COL11A1: variants seen among roughly 807,000 people sequenced by gnomAD.
The protein encoded by COL11A1 is collagen alpha-1(XI) chain.
A neutral mutation model predicts 265.2 loss-of-function variants in COL11A1; 74 were observed. The ratio of observed to expected loss-of-function variants is 0.28; its 90% CI spans 0.23 to 0.34. The LOEUF is 0.34. COL11A1 is among the 10% of genes least tolerant of loss of function. The probability of loss-of-function intolerance (pLI) is 1.00; values close to 1 mark genes in which losing one functional copy is unlikely to be tolerated. For missense variants in COL11A1, 2,165 were observed against 2,263.6 expected, an observed-to-expected ratio of 0.96 and a Z score of 0.88; for synonymous variants, 816 against 727.6, an observed-to-expected ratio of 1.12 and a Z score of -1.96.
At chr1:103,106,667 A>T (rs1674715844) in intron 1 of COL11A1, among the ~76,000 whole-genome samples, 1 of 152,142 alleles carries the variant, frequency 6.6e-6, no homozygotes, top group East Asian at 1.9e-4. Flanking sequence ...CAACATAATA[A>T]CTCCTTTCAA....
intron 20 of COL11A1, 104 bp downstream of exon 20, chr1:103,004,340 C>A: frequency 1.2e-6 from 1 of 842,704 alleles, no homozygotes; most frequent in Admixed American, 2.1e-5. Flanking sequence ...TTAGCTAAGA[C>A]TGCAATGTTT....
At chr1:102,997,647 G>A (rs1295578025) in intron 25 of COL11A1, among the ~76,000 whole-genome samples, 1 of 151,644 alleles carries the variant, frequency 6.6e-6, no homozygotes, top group Non-Finnish European at 1.5e-5. Flanking sequence ...AACAAGGAAA[G>A]GTAGGATGAG....
At chr1:103,017,963 A>C in intron 10 of COL11A1, 81 bp from the exon 11 acceptor site, 1 of 1,102,802 alleles carries the variant, frequency 9.1e-7, no homozygotes, top group Non-Finnish European at 1.4e-6. Context: ...CCTATCGAAG[A>C]GTTCGTTTAT....
intron 1 of COL11A1, among the ~76,000 whole-genome samples, chr1:103,097,467 A>C (rs1001091073): frequency 2.6e-5 from 4 of 151,232 alleles, no homozygotes; most frequent in African/African-American, 9.8e-5. Context: ...TTCTCAGGGA[A>C]GTTTTCTTCG....
chr1:103,094,355 T>C (rs939710686), intron 1 of COL11A1, among the ~76,000 whole-genome samples: 1 of 152,272 alleles, frequency 6.6e-6, no homozygotes, highest in East Asian at 1.9e-4. Flanking sequence ...TATTCAAGAC[T>C]GCTTTTGCCT....
intron 41 of COL11A1, among the ~76,000 whole-genome samples, chr1:102,953,180 C>T (rs74717597): frequency 0.058 from 8,816 of 152,236 alleles, 348 homozygotes; most frequent in South Asian, 0.16. Flanking sequence ...TATATCTAAA[C>T]TGAATGATTG....
intron 4 of COL11A1, among the ~76,000 whole-genome samples, chr1:103,057,149 A>C (rs2102173693): frequency 6.6e-6 from 1 of 152,330 alleles, no homozygotes; most frequent in East Asian, 1.9e-4. Context: ...GAGTATTTTC[A>C]AACTCTGTTG....
chr1:102,990,294 C>T (rs1664007107), intron 28 of COL11A1, among the ~76,000 whole-genome samples: 1 of 151,590 alleles, frequency 6.6e-6, no homozygotes, highest in African/African-American at 2.4e-5. Flanking sequence ...AAATGATTTT[C>T]CCTTAATTTA....
chr1:103,096,984 C>T (rs1257913314), intron 1 of COL11A1, among the ~76,000 whole-genome samples: 1 of 151,964 alleles, frequency 6.6e-6, no homozygotes, highest in Non-Finnish European at 1.5e-5. Flanking sequence ...GACTACATGA[C>T]CATAGCTCCA....
At chr1:103,028,021 T>G (rs1420759391) in intron 5 of COL11A1, among the ~76,000 whole-genome samples, 2 of 151,364 alleles carry the variant, frequency 1.3e-5, no homozygotes, top group Admixed American at 6.6e-5. Context: ...TGTTTGTTTG[T>G]TTTTTGTTTT....
intron 8 of COL11A1, among the ~76,000 whole-genome samples, chr1:103,022,013 A>ATTTTTTTT: frequency 7.2e-6 from 1 of 139,594 alleles, no homozygotes; most frequent in African/African-American, 2.6e-5. Flanking sequence ...CACCTAGCTA[A>ATTTTTTTT]TTTTTTTTTT....
intron 54 of COL11A1, among the ~76,000 whole-genome samples, chr1:102,905,132 C>T (rs529881096): frequency 1.4e-5 from 2 of 148,056 alleles, no homozygotes; most frequent in South Asian, 2.2e-4. Context: ...GACAAAAAAC[C>T]AAACACCGCA....
At chr1:102,914,479 G>T in intron 51 of COL11A1, 74 bp from the exon 52 acceptor site, 1 of 1,391,784 alleles carries the variant, frequency 7.2e-7, no homozygotes, top group Non-Finnish European at 9.9e-7. Flanking sequence ...TTCTGGAGGT[G>T]AAGAGGTTAA....
In COL11A1 at chr1:102,914,749, T is replaced by C; in HGVS notation, c.3879A>G (p.Pro1293=). Residue 1293 remains proline (P), a synonymous_variant, in exon 51 of 67, where the codon CCA becomes CCG. Transcript: ENST00000370096. ...EAGPPGAAGP[P]GAKGPPGDDG... ...CATCACCTGGTGGCCCCTTGGCACC[T>C]GGAGGTCCAGCAGCTCCAGGTGGAC... is the stretch of plus-strand genomic sequence containing the variant. 6.2e-7 allele frequency: 1 copy of C among 1,613,266 alleles called. No homozygotes were observed. The highest frequency in any genetic ancestry group is 8.5e-7 in the Non-Finnish European group (1 of 1,179,894).
chr1:103,006,704 AT>A (rs1665659340), intron 15 of COL11A1, among the ~76,000 whole-genome samples: 3 of 151,378 alleles, frequency 2.0e-5, no homozygotes, highest in Non-Finnish European at 4.4e-5. Flanking sequence ...TGCCCGGCTA[AT>A]TTTTTGTATT....
At chr1:102,961,157 G>T (rs1660868207) in intron 41 of COL11A1, among the ~76,000 whole-genome samples, 1 of 152,114 alleles carries the variant, frequency 6.6e-6, no homozygotes, top group African/African-American at 2.4e-5. Context: ...TGGCAGTTTG[G>T]CTGTTATAGT....
At chr1:102,892,170 A>G (rs1311660644) in intron 57 of COL11A1, among the ~76,000 whole-genome samples, 3 of 152,308 alleles carry the variant, frequency 2.0e-5, no homozygotes, top group African/African-American at 7.2e-5. Context: ...TGGTTTCTCT[A>G]TGAATTAGAA....
At chr1:102,985,123 A>T (rs1361762608) in intron 30 of COL11A1, among the ~76,000 whole-genome samples, 3 of 152,054 alleles carry the variant, frequency 2.0e-5, no homozygotes, top group Admixed American at 6.6e-5. Context: ...ACAAAAGCAC[A>T]CTTCATTTAT....
intron 54 of COL11A1, among the ~76,000 whole-genome samples, chr1:102,909,380 T>A (rs1252293904): frequency 6.6e-6 from 1 of 152,188 alleles, no homozygotes; most frequent in African/African-American, 2.4e-5. Context: ...CCTGCAGAAC[T>A]GTGAGCTAGA....
Sources: allele counts gnomAD v4.1 joint callset (sites outside exome capture counted in the v4.1 genomes callset), GRCh38; gene constraint gnomAD v4.1.1; transcripts MANE v1.5; gene names NCBI Gene and HGNC (gene_info 2026-07-23, HGNC 2026-07-21).